The following GALK1 variants were observed in gnomAD, a reference collection of about 807,000 sequenced individuals.
The protein encoded by GALK1 is galactokinase 1.
In GALK1, 30 loss-of-function variants were observed where a neutral mutation model predicts 38.6. The observed-to-expected ratio is 0.78, with a 90% CI of 0.58 to 1.05. The LOEUF (loss-of-function observed/expected upper bound fraction) is 1.05, where lower values mean the gene tolerates loss of function less well. GALK1 is among the 50% of genes least tolerant of loss of function. GALK1 has a pLI of 0.00. For missense variants in GALK1, 512 were observed against 540.5 expected, an observed-to-expected ratio of 0.95 and a Z score of 0.52; for synonymous variants, 240 against 233.6, an observed-to-expected ratio of 1.03 and a Z score of -0.25.
At chr17:75,761,067 T>C (rs1363146914) in intron 5 of GALK1, among the ~76,000 whole-genome samples, 1 of 151,930 alleles carries the variant, frequency 6.6e-6, no homozygotes, top group Non-Finnish European at 1.5e-5. Context: ...CCAGGTGTGG[T>C]GGCACATGCC....
At chr17:75,757,358 T>C, downstream of GALK1, 2 of 1,612,496 alleles carry the variant, frequency 1.2e-6, no homozygotes, top group Admixed American at 1.7e-5. Flanking sequence ...GACAGGGAGC[T>C]AGCAGAGGGA....
chr17:75,760,472 C>G (rs2061582607), intron 5 of GALK1, among the ~76,000 whole-genome samples: 1 of 151,522 alleles, frequency 6.6e-6, no homozygotes, highest in Admixed American at 6.6e-5. Flanking sequence ...TAAGAGAATG[C>G]AGATAGGCCA....
At chr17:75,759,433 A>AAAAAAGAAAG (rs10670567) in intron 5 of GALK1, among the ~76,000 whole-genome samples, 19 of 149,572 alleles carry the variant, frequency 1.3e-4, no homozygotes, top group African/African-American at 4.3e-4. Flanking sequence ...CTCTCAAAAA[A>AAAAAAGAAAG]AAAGAAAGAA....
chr17:75,756,767 C>A (rs1192622928), downstream of GALK1: 1 of 1,612,986 alleles, frequency 6.2e-7, no homozygotes, highest in South Asian at 1.1e-5. Flanking sequence ...GCCCTGAGCC[C>A]AGACTCGCTG....
At chr17:75,756,987 C>T (rs764704195), downstream of GALK1, 47 of 1,612,690 alleles carry the variant, frequency 2.9e-5, no homozygotes, top group Admixed American at 2.3e-4. Flanking sequence ...CCCCGAGAGC[C>T]GGCTGACCGT....
At chr17:75,761,011 G>A (rs984499234) in intron 5 of GALK1, among the ~76,000 whole-genome samples, 21 of 152,164 alleles carry the variant, frequency 1.4e-4, no homozygotes, top group African/African-American at 4.1e-4. Context: ...CGACCAGCCC[G>A]ACCAACATGG....
At chr17:75,757,253 A>G (rs2061537524), downstream of GALK1, 1 of 1,611,722 alleles carries the variant, frequency 6.2e-7, no homozygotes, top group Non-Finnish European at 8.5e-7. Flanking sequence ...CCCGCTGCAA[A>G]GCGAGTACAG....
downstream of GALK1, among the ~76,000 whole-genome samples, chr17:75,756,271 C>A (rs540642172): frequency 1.3e-5 from 2 of 152,244 alleles, no homozygotes; most frequent in Admixed American, 6.5e-5. Flanking sequence ...ACAATCTGAA[C>A]AACCAGCCAT....
downstream of GALK1, among the ~76,000 whole-genome samples, chr17:75,756,101 C>G (rs1011507997): frequency 1.3e-5 from 2 of 152,198 alleles, no homozygotes; most frequent in Non-Finnish European, 2.9e-5. Context: ...TAACAAGGCC[C>G]CTTTGGGCTG....
downstream of GALK1, chr17:75,755,250 CCTG>C: frequency 1.3e-6 from 2 of 1,582,872 alleles, no homozygotes; most frequent in Non-Finnish European, 1.7e-6. Flanking sequence ...CCACAGCTGT[CCTG>C]CTCCATCTGT....
intron 7 of GALK1, 36 bp from the exon 8 acceptor site, chr17:75,758,163 C>T: frequency 6.2e-7 from 1 of 1,610,620 alleles, no homozygotes; most frequent in Non-Finnish European, 8.5e-7. Context: ...TGGCAGGGCC[C>T]CGGGAAGCTG....
At chr17:75,761,561 G>A (rs1169245484) in intron 5 of GALK1, among the ~76,000 whole-genome samples, 1 of 147,664 alleles carries the variant, frequency 6.8e-6, no homozygotes, top group Non-Finnish European at 1.5e-5. Flanking sequence ...AGGATGCAGT[G>A]AGCCGAGATT....
At chr17:75,752,216 A>G in intron 8 of GALK1, 1 of 1,613,944 alleles carries the variant, frequency 6.2e-7, no homozygotes, top group Non-Finnish European at 8.5e-7. Context: ...GACAACCCTA[A>G]GAACCGGATG....
At chr17:75,757,394 T>C (rs2061543133), downstream of GALK1, 1 of 1,612,984 alleles carries the variant, frequency 6.2e-7, no homozygotes, top group Non-Finnish European at 8.5e-7. Context: ...AGCCAGGTCA[T>C]CTAATGCCTC....
chr17:75,755,159 C>T (rs755561993), downstream of GALK1: 7 of 1,611,536 alleles, frequency 4.3e-6, no homozygotes, highest in Non-Finnish European at 5.9e-6. Context: ...TTCCAGGGGC[C>T]CACGAGACTC....
chr17:75,756,509 G>A (rs555823505), downstream of GALK1: 39 of 1,613,294 alleles, frequency 2.4e-5, no homozygotes, highest in Admixed American at 3.3e-5. Context: ...CCACTCCTAC[G>A]TGTTCCGCGT....
At position 75,758,650 on chromosome 17, in the gene GALK1, G is replaced by A. The variant is rs375153485; in HGVS notation, c.794-51C>T. 133 of 1,549,162 alleles carry A rather than the reference G, an allele frequency of 8.6e-5. No homozygotes were observed. The African/African-American group carries it at 1.4e-3, about 16-fold the overall frequency. ...CCGCCTTCTCACTGCCTGGGGCCCC[G>A]ACGCCTGTGAGGACCAGCAGGCGGT... On this transcript the variant is annotated intron_variant, in intron 5 of 7. Coordinates refer to ENST00000588479, the MANE Select transcript of GALK1 (RefSeq NM_000154.2).
intron 2 of GALK1, 199 bp from the exon 3 acceptor site, chr17:75,763,638 C>T (rs1441298466): frequency 1.4e-6 from 1 of 712,278 alleles, no homozygotes; most frequent in Non-Finnish European, 2.4e-6. Flanking sequence ...GTTGCTGGGA[C>T]ACTTCTAATT....
chr17:75,754,959 C>CAA, downstream of GALK1: 9 of 1,438,898 alleles, frequency 6.3e-6, no homozygotes, highest in Admixed American at 1.9e-4. Context: ...CACACGTGCA[C>CAA]ACGCATGCAC....
Sources: gnomAD v4.1 joint callset for allele counts (sites outside exome capture counted in the v4.1 genomes callset) on GRCh38, gnomAD v4.1.1 for gene constraint, MANE v1.5 for transcripts, NCBI Gene and HGNC (gene_info 2026-07-23, HGNC 2026-07-21) for gene names.